ANO3: variants seen among roughly 807,000 people sequenced by gnomAD.
ANO3 encodes anoctamin-3.
ANO3 carries 99 observed loss-of-function variants against 144.8 expected under a neutral mutation model. That is an observed-to-expected ratio of 0.68 (90% CI 0.58 to 0.81). The LOEUF is 0.81. Ranked by LOEUF, ANO3 falls within the 30% of genes least tolerant of loss-of-function variation. The probability of loss-of-function intolerance (pLI) is 0.00; values close to 1 mark genes in which losing one functional copy is unlikely to be tolerated. For missense variants in ANO3, 905 were observed against 1,202.2 expected, an observed-to-expected ratio of 0.75 and a Z score of 3.66; for synonymous variants, 414 against 392.6, an observed-to-expected ratio of 1.05 and a Z score of -0.64.
chr11:26,442,493 A>C (rs989380058), intron 2 of ANO3, among the ~76,000 whole-genome samples: 1 of 152,234 alleles, frequency 6.6e-6, no homozygotes, highest in African/African-American at 2.4e-5. Context: ...TAAAGGCTGA[A>C]GACTTTACAA....
At chr11:26,507,837 TAAAACATATGCATTTTTATGCC>T (rs1217762190) in intron 4 of ANO3, among the ~76,000 whole-genome samples, 2 of 152,238 alleles carry the variant, frequency 1.3e-5, no homozygotes, top group African/African-American at 2.4e-5. Flanking sequence ...TCTTATTGAA[TAAAACATATGCATTTTTATGCC>T]AGCACCAGAG....
chr11:26,482,832 T>C (rs1281542106), intron 4 of ANO3, among the ~76,000 whole-genome samples: 4 of 152,194 alleles, frequency 2.6e-5, no homozygotes, highest in Admixed American at 2.0e-4. Context: ...CTTGCACTTA[T>C]GTGAACAGGA....
intron 1 of ANO3, among the ~76,000 whole-genome samples, chr11:26,216,658 A>G (rs4424637): frequency 0.3 from 45,908 of 151,862 alleles, 7,684 homozygotes; most frequent in Non-Finnish European, 0.37. Context: ...TAGATTGTAT[A>G]GTAAAATTAT....
chr11:26,623,774 A>G (rs1248355969), intron 17 of ANO3, among the ~76,000 whole-genome samples: 1 of 151,058 alleles, frequency 6.6e-6, no homozygotes, highest in African/African-American at 2.4e-5. Flanking sequence ...TTTAATTTTT[A>G]TTTATTTTTA....
At chr11:26,631,120 T>C (rs74786469) in intron 18 of ANO3, among the ~76,000 whole-genome samples, 1 of 152,126 alleles carries the variant, frequency 6.6e-6, no homozygotes, top group East Asian at 1.9e-4. Context: ...AAATTATTGA[T>C]AGGATGTTTA....
At chr11:26,618,116 G>A (rs958304822) in intron 17 of ANO3, among the ~76,000 whole-genome samples, 3 of 152,000 alleles carry the variant, frequency 2.0e-5, no homozygotes, top group African/African-American at 4.8e-5. Flanking sequence ...TCCAAATGAG[G>A]GACTTAGATT....
chr11:26,598,334 G>A (rs200833312), intron 14 of ANO3, 31 bp from the exon 15 acceptor site: 8 of 1,265,842 alleles, frequency 6.3e-6, no homozygotes, highest in African/African-American at 4.6e-5. Context: ...ATGTGATTTG[G>A]GTAAAGAATT....
chr11:26,603,930 T>C (rs997905917), intron 17 of ANO3, among the ~76,000 whole-genome samples: 1 of 152,170 alleles, frequency 6.6e-6, no homozygotes, highest in Non-Finnish European at 1.5e-5. Flanking sequence ...CATCACCTGA[T>C]GGCATTTATC....
chr11:26,397,454 G>A lies in ANO3; in HGVS notation c.47-44464G>A, dbSNP rs146979088. Among the ~76,000 whole-genome samples the A allele has an allele frequency of 5.8e-4, 88 of 152,140 alleles. No homozygotes were observed. In the East Asian group the frequency reaches 0.011, roughly 19 times the overall value. On this transcript the variant is annotated intron_variant, in intron 1 of 26. Coordinates refer to ENST00000256737, the MANE Select transcript of ANO3 (RefSeq NM_031418.4). Reference sequence around the variant, plus strand: ...ACTGGAATAACAGAATTTCAAGACTGCTCTGAGAAAGTTGTTTGTTTCATA... The same window carrying A: ...ACTGGAATAACAGAATTTCAAGACTACTCTGAGAAAGTTGTTTGTTTCATA...
chr11:26,555,179 G>A (rs978801808), intron 13 of ANO3, among the ~76,000 whole-genome samples: 19 of 152,152 alleles, frequency 1.2e-4, no homozygotes, highest in African/African-American at 4.6e-4. Context: ...CCATAAAGAT[G>A]ATAGAGACTT....
At chr11:26,280,481 G>A (rs1313906293) in intron 1 of ANO3, among the ~76,000 whole-genome samples, 1 of 152,114 alleles carries the variant, frequency 6.6e-6, no homozygotes, top group East Asian at 1.9e-4. Flanking sequence ...ATATTCAAGG[G>A]CAGGAAGCAT....
intron 1 of ANO3, among the ~76,000 whole-genome samples, chr11:26,244,699 T>C (rs982677331): frequency 6.6e-6 from 1 of 152,190 alleles, no homozygotes; most frequent in Non-Finnish European, 1.5e-5. Flanking sequence ...TTTTTTATTT[T>C]GATGAAAATT....
intron 1 of ANO3, among the ~76,000 whole-genome samples, chr11:26,387,641 A>C (rs1182681606): frequency 6.6e-6 from 1 of 152,104 alleles, no homozygotes. Context: ...ATTTTTGAAG[A>C]TCTAAACCTG....
At chr11:26,281,835 A>G (rs12273496) in intron 1 of ANO3, among the ~76,000 whole-genome samples, 6,185 of 152,192 alleles carry the variant, frequency 0.041, 402 homozygotes, top group African/African-American at 0.14. Context: ...AAGTTTGAAG[A>G]CATTCAGGCA....
intron 14 of ANO3, among the ~76,000 whole-genome samples, chr11:26,583,520 A>G (rs746925752): frequency 2.7e-4 from 41 of 152,202 alleles, no homozygotes; most frequent in Non-Finnish European, 4.8e-4. Flanking sequence ...GCCGCTGCAC[A>G]CATATTTACA....
chr11:26,585,359 A>G (rs1024651674), intron 14 of ANO3, among the ~76,000 whole-genome samples: 3 of 152,006 alleles, frequency 2.0e-5, no homozygotes, highest in Admixed American at 1.3e-4. Context: ...CCCCATACCT[A>G]TATCTGATTT....
At chr11:26,402,086 A>G (rs1275057735) in intron 1 of ANO3, among the ~76,000 whole-genome samples, 3 of 152,020 alleles carry the variant, frequency 2.0e-5, no homozygotes, top group African/African-American at 7.2e-5. Context: ...TGCTATTGTG[A>G]AGAGTGCTGT....
intron 4 of ANO3, among the ~76,000 whole-genome samples, chr11:26,477,947 A>C (rs1038093081): frequency 6.6e-6 from 1 of 152,204 alleles, no homozygotes; most frequent in East Asian, 1.9e-4. Flanking sequence ...GCAAAGAATA[A>C]TTTGGCAAAA....
At chr11:26,451,258 T>C (rs1014605078) in intron 3 of ANO3, among the ~76,000 whole-genome samples, 2 of 152,158 alleles carry the variant, frequency 1.3e-5, no homozygotes, top group African/African-American at 4.8e-5. Flanking sequence ...CAGTGCACCC[T>C]GCATGAGCCG....
Sources: gnomAD v4.1 joint callset for allele counts (sites outside exome capture counted in the v4.1 genomes callset) on GRCh38, gnomAD v4.1.1 for gene constraint, MANE v1.5 for transcripts, NCBI Gene and HGNC (gene_info 2026-07-23, HGNC 2026-07-21) for gene names.